Variants in KIF15 observed in about 807,000 individuals in gnomAD.
KIF15 encodes kinesin family member 15.
In KIF15, 140 loss-of-function variants were observed where a neutral mutation model predicts 190.6. The observed-to-expected ratio is 0.73, with a 90% CI of 0.64 to 0.84. KIF15 has a LOEUF of 0.84. Ranked by LOEUF, KIF15 falls within the 40% of genes least tolerant of loss-of-function variation. The probability of loss-of-function intolerance (pLI) is 0.00; values close to 1 mark genes in which losing one functional copy is unlikely to be tolerated. For synonymous variants in KIF15, 528 were observed against 551.3 expected (o/e 0.96, Z 0.59); for missense variants, 1,372 against 1,584.4 (o/e 0.87, Z 2.28).
At chr3:44,786,314 G>A in intron 6 of KIF15, 81 bp from the exon 7 acceptor site, 1 of 1,149,800 alleles carries the variant, frequency 8.7e-7, no homozygotes, top group Admixed American at 2.3e-5. Context: ...ATCTTGTGAA[G>A]CGAGTGCAAA....
At chr3:44,770,274 T>G (rs1340886088) in intron 1 of KIF15, among the ~76,000 whole-genome samples, 2 of 152,236 alleles carry the variant, frequency 1.3e-5, no homozygotes, top group Non-Finnish European at 2.9e-5. Context: ...TTGGCTTGAT[T>G]CTTTGCATGA....
At chr3:44,821,737 G>A (rs1468714413) in intron 20 of KIF15, among the ~76,000 whole-genome samples, 1 of 151,904 alleles carries the variant, frequency 6.6e-6, no homozygotes, top group Non-Finnish European at 1.5e-5. Flanking sequence ...CTGGGCAGAG[G>A]CTGCAGTCTC....
chr3:44,782,010 A>C (rs927109631), intron 5 of KIF15, among the ~76,000 whole-genome samples: 8 of 151,746 alleles, frequency 5.3e-5, no homozygotes, highest in African/African-American at 1.9e-4. Context: ...TCTATGCTAA[A>C]GTTTTATTTT....
intron 5 of KIF15, among the ~76,000 whole-genome samples, chr3:44,783,752 C>T (rs1432274338): frequency 6.6e-6 from 1 of 152,164 alleles, no homozygotes; most frequent in Non-Finnish European, 1.5e-5. Context: ...AGGCCTTCTA[C>T]CAAAGACAAC....
chr3:44,794,620 A>G (rs559586076), intron 8 of KIF15, among the ~76,000 whole-genome samples, 194 bp downstream of exon 8: 3 of 152,316 alleles, frequency 2.0e-5, no homozygotes, highest in East Asian at 1.9e-4. Flanking sequence ...AGTATATTCT[A>G]TGATGCCCAC....
At chr3:44,827,218 T>C (rs950509583) in intron 22 of KIF15, 26 of 448,968 alleles carry the variant, frequency 5.8e-5, no homozygotes, top group South Asian at 3.4e-4. Flanking sequence ...CTATATGATA[T>C]ATGTTATATT....
Position 44,797,873 on chromosome 3 carries a change from A to G in KIF15, c.1015A>G (p.Asn339Asp). 1 of 1,613,924 alleles carries G rather than the reference A, an allele frequency of 6.2e-7. No individual in the cohort carries two copies. The highest frequency in any genetic ancestry group is 8.5e-7 in the Non-Finnish European group (1 of 1,179,934). The change falls in exon 10 of 35, where the codon AAT becomes GAT. Residue 339 changes from asparagine (N) to aspartate (D), a missense_variant. Physicochemically the swap from Asn to Asp is conservative, Grantham distance 23. Coordinates refer to ENST00000326047, the MANE Select transcript of KIF15 (RefSeq NM_020242.3). ...GGNAKTAIIA[N>D]VHPGSRCFGE... ...TAATGCCAAAACAGCCATAATTGCA[A>G]ATGTTCATCCTGGATCCAGGTGTTT...
intron 32 of KIF15, among the ~76,000 whole-genome samples, chr3:44,851,505 C>T (rs1025091936): frequency 4.6e-5 from 7 of 152,036 alleles, no homozygotes; most frequent in Admixed American, 4.6e-4. Flanking sequence ...TTACATTTGC[C>T]CCAAGTGGGC....
At chr3:44,802,064 A>G in intron 13 of KIF15, 90 bp downstream of exon 13, 1 of 862,834 alleles carries the variant, frequency 1.2e-6, no homozygotes, top group Non-Finnish European at 1.8e-6. Context: ...CTTTAATACA[A>G]TGGAAATTGT....
chr3:44,836,214 G>C (rs1461185986), intron 26 of KIF15, among the ~76,000 whole-genome samples: 1 of 152,134 alleles, frequency 6.6e-6, no homozygotes, highest in Non-Finnish European at 1.5e-5. Context: ...AAATTAGCCA[G>C]GTGTGGTGGT....
intron 1 of KIF15, among the ~76,000 whole-genome samples, chr3:44,773,650 G>A (rs1705741121): frequency 6.6e-6 from 1 of 152,210 alleles, no homozygotes; most frequent in Non-Finnish European, 1.5e-5. Context: ...GGGGTAGAAG[G>A]GGGCACAGTT....
At position 44,811,645 on chromosome 3, in the gene KIF15, C is replaced by CA. The variant is rs1012076453; in HGVS notation, c.2170-528dup. On this transcript the variant is annotated intron_variant, in intron 17 of 34. Coordinates refer to ENST00000326047, the MANE Select transcript of KIF15 (RefSeq NM_020242.3). ...GGGCAACAAGAGTGAAACTCTGTCT[C>CA]AAAAAAAAAGAAAGTTAAAAGAATC... Among the ~76,000 whole-genome samples the CA allele has an allele frequency of 1.3e-4, 20 of 149,804 alleles. No homozygotes were observed. In the South Asian group the frequency reaches 2.7e-3, roughly 21 times the overall value.
intron 6 of KIF15, chr3:44,861,889 G>GGGCAGCGGGTGCCAGGCACGGT: frequency 6.7e-7 from 1 of 1,489,518 alleles, no homozygotes; most frequent in African/African-American, 1.5e-5. Flanking sequence ...TCTGCCCTGC[G>GGGCAGCGGGTGCCAGGCACGGT]GGCAGCGGGT....
At position 44,829,959 on chromosome 3, in the gene KIF15, T is replaced by C; in HGVS notation, c.2944-12T>C. Reference sequence around the variant, plus strand: ...TCATTGGGTATGAAGATATTATTTCTGTCCTCATCAGAAAGTTGTAGCTGA... The same window carrying C: ...TCATTGGGTATGAAGATATTATTTCCGTCCTCATCAGAAAGTTGTAGCTGA... On this transcript the variant is annotated splice_polypyrimidine_tract_variant and intron_variant, in intron 24 of 34. Coordinates refer to ENST00000326047, the MANE Select transcript of KIF15 (RefSeq NM_020242.3). 1 of 1,524,644 alleles carries C rather than the reference T, an allele frequency of 6.6e-7. No homozygotes were observed. The highest frequency in any genetic ancestry group is 8.8e-7 in the Non-Finnish European group (1 of 1,131,154). 94.4% of individuals were successfully genotyped at this position (1,524,644 alleles called of 1,614,324 possible). A position where few individuals can be genotyped will look rare whatever the true frequency, so the allele number is the denominator to read the frequency against.
chr3:44,861,095 G>A (rs1399808582), intron 6 of KIF15, among the ~76,000 whole-genome samples: 4 of 152,138 alleles, frequency 2.6e-5, no homozygotes, highest in Non-Finnish European at 4.4e-5. Context: ...AGGTTCAAGC[G>A]CTTCTCCTGC....
chr3:44,786,315 C>A, intron 6 of KIF15, 80 bp from the exon 7 acceptor site: 4 of 1,156,186 alleles, frequency 3.5e-6, no homozygotes, highest in Non-Finnish European at 4.9e-6. Context: ...TCTTGTGAAG[C>A]GAGTGCAAAA....
At chr3:44,806,616 A>G (rs948629254) in intron 16 of KIF15, among the ~76,000 whole-genome samples, 2 of 152,192 alleles carry the variant, frequency 1.3e-5, no homozygotes, top group Non-Finnish European at 2.9e-5. Context: ...CAATTTTTTG[A>G]AGGTTAAAAA....
At position 44,830,922 on chromosome 3, in the gene KIF15, C is replaced by T. The variant is rs372732480; in HGVS notation, c.3075C>T (p.Asp1025=). 6 of 1,613,792 alleles carry T rather than the reference C, an allele frequency of 3.7e-6. No homozygotes were observed. Among genetic ancestry groups the T allele is most frequent in the Non-Finnish European group, 5.1e-6 (6 of 1,179,940 alleles). Residue 1025 remains aspartate (D), a synonymous_variant, in exon 26 of 35, where the codon GAC becomes GAT. Transcript: ENST00000326047. Reference sequence around the variant, plus strand: ...GCAAATACAACTCTGCTTTGGTTGACAGAGAAGAGAGCAGAGTGTTGATCA... The same window carrying T: ...GCAAATACAACTCTGCTTTGGTTGATAGAGAAGAGAGCAGAGTGTTGATCA... ...INCKYNSALV[D]REESRVLIKK...
chr3:44,801,681 A>C, intron 12 of KIF15, 84 bp from the exon 13 acceptor site: 1 of 979,598 alleles, frequency 1.0e-6, no homozygotes, highest in South Asian at 1.6e-5. Flanking sequence ...TTAAATATGA[A>C]ATTAGTATTT....
Sources: allele counts gnomAD v4.1 joint callset (sites outside exome capture counted in the v4.1 genomes callset), GRCh38; gene constraint gnomAD v4.1.1; transcripts MANE v1.5; gene names NCBI Gene and HGNC (gene_info 2026-07-23, HGNC 2026-07-21).